The following PCDHA9 variants were observed in gnomAD, a reference collection of about 807,000 sequenced individuals.
PCDHA9 encodes protocadherin alpha-9.
A neutral mutation model predicts 62.0 loss-of-function variants in PCDHA9; 62 were observed. The ratio of observed to expected loss-of-function variants is 1.00; its 90% CI spans 0.81 to 1.23. The LOEUF is 1.23. Among genes scored for constraint, PCDHA9 ranks in the 50% most tolerant of loss-of-function variants. The probability of loss-of-function intolerance (pLI) is 0.00; values close to 1 mark genes in which losing one functional copy is unlikely to be tolerated. For synonymous variants in PCDHA9, 557 were observed against 567.6 expected (o/e 0.98, Z 0.27); for missense variants, 1,205 against 1,249.8 (o/e 0.96, Z 0.54).
intron 1 of PCDHA9, among the ~76,000 whole-genome samples, chr5:140,963,604 T>A (rs1379826259): frequency 6.6e-6 from 1 of 152,234 alleles, no homozygotes; most frequent in Non-Finnish European, 1.5e-5. Flanking sequence ...CTAGACGTAA[T>A]TGGGAAAGCT....
In PCDHA9 at chr5:140,850,311, T is replaced by G; in HGVS notation, c.1816T>G (p.Trp606Gly). 3 of 1,597,000 alleles carry G rather than the reference T, an allele frequency of 1.9e-6. No individual in the cohort carries two copies. Among genetic ancestry groups the G allele is most frequent in the Non-Finnish European group, 2.6e-6 (3 of 1,167,588 alleles). ...GGACGCCGACTCGGGCTACAACGCG[T>G]GGCTTTCATACGAGCTGCAGCCAGA... is the stretch of plus-strand genomic sequence containing the variant. ...AVDADSGYNA[W>G]LSYELQPETA... Residue 606 changes from tryptophan (W) to glycine (G), a missense_variant, in exon 1 of 4, where the codon TGG becomes GGG. Transcript: ENST00000532602.
chr5:140,849,965 G>C lies in PCDHA9; in HGVS notation c.1470G>C (p.Val490=), dbSNP rs2150460683. Residue 490 remains valine, a synonymous_variant, in exon 1 of 4, where the codon GTG becomes GTC. Coordinates refer to ENST00000532602, the MANE Select transcript of PCDHA9 (RefSeq NM_031857.2). ...CTGACGCGCAGGAGAACGCCCTGGT[G>C]TCCTACTCGCTGGTGGAGCGGCGGT... The part of the protein sequence containing the change: ...RDADAQENAL[V]SYSLVERRLG... The C allele has an allele frequency of 6.3e-7, 1 of 1,597,882 alleles. No individual in the cohort carries two copies. Among genetic ancestry groups the C allele is most frequent in the East Asian group, 2.2e-5 (1 of 44,846 alleles).
At position 140,882,588 on chromosome 5, in the gene PCDHA9, A is replaced by G; in HGVS notation, c.2394+31699A>G. The G allele has an allele frequency of 1.2e-6, 2 of 1,614,186 alleles. No homozygotes were observed. Among genetic ancestry groups the G allele is most frequent in the African/African-American group, 1.3e-5 (1 of 75,040 alleles). ...AGCGCGGAGTGCAGCATCCACCTGG[A>G]GGTGATCGTGGACAGGCCTCTGCAG... On this transcript the variant is annotated intron_variant, in intron 1 of 3. Coordinates refer to ENST00000532602, the MANE Select transcript of PCDHA9 (RefSeq NM_031857.2).
intron 1 of PCDHA9, among the ~76,000 whole-genome samples, chr5:140,904,764 A>G (rs1354356510): frequency 2.0e-5 from 3 of 152,240 alleles, no homozygotes; most frequent in African/African-American, 4.8e-5. Context: ...CAAGAATAAG[A>G]TGGTATCACA....
rs144072974 is a variant in PCDHA9 at position 140,938,897 on chromosome 5, G to GCA, written c.2395-40040_2395-40039dup. 1.4e-3 allele frequency among the ~76,000 whole-genome samples: 215 copies of GCA among 151,312 alleles called. 3 individuals carry two copies. The East Asian group carries it at 0.032, about 22-fold the overall frequency. Reference sequence around the variant, plus strand: ...AAGCAACACACACACACACAGATGCGCACACACACACACGCACAAGAAATT... The same window carrying GCA: ...AAGCAACACACACACACACAGATGCGCACACACACACACACGCACAAGAAATT... On this transcript the variant is annotated intron_variant, in intron 1 of 3. Coordinates refer to ENST00000532602, the MANE Select transcript of PCDHA9 (RefSeq NM_031857.2).
chr5:140,899,550 A>C (rs932403675), intron 1 of PCDHA9, among the ~76,000 whole-genome samples: 1 of 152,176 alleles, frequency 6.6e-6, no homozygotes, highest in Admixed American at 6.5e-5. Flanking sequence ...ATGGTGGATA[A>C]GCTTTTTGAT....
At chr5:140,905,360 T>C (rs2071771480) in intron 1 of PCDHA9, among the ~76,000 whole-genome samples, 2 of 152,238 alleles carry the variant, frequency 1.3e-5, no homozygotes, top group Non-Finnish European at 2.9e-5. Context: ...TTTGACTATA[T>C]TTCTGGTTCT....
At chr5:140,926,829 G>A in intron 1 of PCDHA9, 1 of 1,501,192 alleles carries the variant, frequency 6.7e-7, no homozygotes, top group Middle Eastern at 2.1e-4. Context: ...CCAGGAGTCC[G>A]GAGCATGGTC....
At chr5:140,875,991 T>C in intron 1 of PCDHA9, 2 of 1,613,966 alleles carry the variant, frequency 1.2e-6, no homozygotes, top group South Asian at 2.2e-5. Context: ...ATGCGTTAAG[T>C]CTAAATGAGA....
chr5:140,922,063 A>C (rs1324927848), intron 1 of PCDHA9, among the ~76,000 whole-genome samples: 2 of 152,190 alleles, frequency 1.3e-5, no homozygotes, highest in African/African-American at 4.8e-5. Context: ...AAATGTAGCA[A>C]TCCCACTAAG....
At chr5:140,876,164 C>G in intron 1 of PCDHA9, 5 of 1,613,950 alleles carry the variant, frequency 3.1e-6, no homozygotes, top group Non-Finnish European at 4.2e-6. Context: ...ATTCAAATAA[C>G]CGTCCTGGAT....
chr5:140,877,225 G>T, intron 1 of PCDHA9: 1 of 1,613,746 alleles, frequency 6.2e-7, no homozygotes, highest in South Asian at 1.1e-5. Context: ...ACCGCGGTCG[G>T]TGGGTGCGGG....
Position 140,898,113 on chromosome 5 carries a change from C to G in PCDHA9, c.2394+47224C>G, listed in dbSNP as rs369408845. 3.9e-5 allele frequency among the ~76,000 whole-genome samples: 6 copies of G among 151,952 alleles called. No individual in the cohort carries two copies. The East Asian group carries it at 1.2e-3, about 29-fold the overall frequency. ...AGCCCTTTGTCAGATGAGTAGGTTG[C>G]GAAAATTTTCTCCCATTTTGTAGGT... On this transcript the variant is annotated intron_variant, in intron 1 of 3. Coordinates refer to ENST00000532602, the MANE Select transcript of PCDHA9 (RefSeq NM_031857.2).
intron 1 of PCDHA9, among the ~76,000 whole-genome samples, chr5:140,907,298 A>T (rs138771358): frequency 0.017 from 2,638 of 152,276 alleles, 92 homozygotes; most frequent in African/African-American, 0.06. Context: ...CTGCTTCAGG[A>T]TGATGGGGAA....
intron 3 of PCDHA9, among the ~76,000 whole-genome samples, chr5:141,000,351 G>GTC: frequency 1.5e-5 from 1 of 66,852 alleles, no homozygotes; most frequent in Non-Finnish European, 2.9e-5. Flanking sequence ...CTCTCTCTCT[G>GTC]TCTCTCTCTG....
intron 1 of PCDHA9, chr5:140,966,824 A>T: frequency 1.3e-6 from 2 of 1,559,992 alleles, no homozygotes; most frequent in Non-Finnish European, 1.7e-6. Flanking sequence ...CCGGCGGCCC[A>T]TGCCCTGGCT....
intron 1 of PCDHA9, among the ~76,000 whole-genome samples, chr5:140,935,606 T>C (rs531169810): frequency 6.6e-6 from 1 of 152,352 alleles, no homozygotes; most frequent in East Asian, 1.9e-4. Flanking sequence ...GAGCTAGGCT[T>C]TTTTCAAGTC....
chr5:140,973,863 T>C (rs868937124), intron 1 of PCDHA9, among the ~76,000 whole-genome samples: 1 of 152,224 alleles, frequency 6.6e-6, no homozygotes. Context: ...TTGCTCTCAA[T>C]GAGAGGTCAG....
intron 3 of PCDHA9, among the ~76,000 whole-genome samples, chr5:141,000,102 C>T (rs537991787): frequency 8.5e-5 from 13 of 152,172 alleles, no homozygotes; most frequent in East Asian, 5.8e-4. Context: ...AGCTCAACTC[C>T]GTCTCTTCCC....
Sources: gnomAD v4.1 joint callset for allele counts (sites outside exome capture counted in the v4.1 genomes callset) on GRCh38, gnomAD v4.1.1 for gene constraint, MANE v1.5 for transcripts, NCBI Gene and HGNC (gene_info 2026-07-23, HGNC 2026-07-21) for gene names.